The following ANKIB1 variants were observed in gnomAD, a reference collection of about 807,000 sequenced individuals.
ANKIB1 encodes the protein ankyrin repeat and IBR domain containing 1.
ANKIB1 carries 43 observed loss-of-function variants against 122.1 expected under a neutral mutation model. The observed-to-expected ratio is 0.35, with a 90% CI of 0.28 to 0.45. The LOEUF (loss-of-function observed/expected upper bound fraction) is 0.45, where lower values mean the gene tolerates loss of function less well. Among genes scored for constraint, ANKIB1 ranks in the 20% least tolerant of loss-of-function variants. The pLI, the probability that ANKIB1 is intolerant of heterozygous loss-of-function variation, is 1.00. For missense variants in ANKIB1, 992 were observed against 1,329.5 expected, an observed-to-expected ratio of 0.75 and a Z score of 3.95; for synonymous variants, 390 against 442.0, an observed-to-expected ratio of 0.88 and a Z score of 1.48.
intron 1 of ANKIB1, among the ~76,000 whole-genome samples, chr7:92,274,451 C>T (rs1365341774): frequency 2.6e-5 from 4 of 151,922 alleles, no homozygotes; most frequent in African/African-American, 9.7e-5. Context: ...TTTACAGTGA[C>T]TACTATATTG....
At chr7:92,397,361 C>G (rs948919167) in intron 18 of ANKIB1, among the ~76,000 whole-genome samples, 5 of 151,928 alleles carry the variant, frequency 3.3e-5, no homozygotes, top group African/African-American at 1.2e-4. Context: ...TGGTGCACAT[C>G]TGTAGTCCCA....
intron 11 of ANKIB1, among the ~76,000 whole-genome samples, chr7:92,377,044 C>T (rs1182774623): frequency 6.6e-6 from 1 of 152,132 alleles, no homozygotes; most frequent in African/African-American, 2.4e-5. Context: ...AGAACTTTTC[C>T]TTTGCATTCC....
rs182688190 is a variant in ANKIB1, at chr7:92,250,286, G to A, written c.-91+3767G>A. Among the ~76,000 whole-genome samples, 442 of 152,142 alleles carry A rather than the reference G, an allele frequency of 2.9e-3. 4 individuals are homozygous for A. Among genetic ancestry groups the A allele is most frequent in the African/African-American group, 0.01 (420 of 41,490 alleles). On this transcript the variant is annotated intron_variant, in intron 1 of 19. Transcript: ENST00000265742. ...CACATGCCTGTAATCCCAGCTACTC[G>A]GGAGGCTGAGGCAGGAGAATCGCCT... is the stretch of plus-strand genomic sequence containing the variant.
At chr7:92,352,416 T>C in intron 8 of ANKIB1, 60 bp from the exon 9 acceptor site, 1 of 1,525,824 alleles carries the variant, frequency 6.6e-7, no homozygotes, top group Non-Finnish European at 9.0e-7. Context: ...AGGTACACTC[T>C]GTATTAGAAT....
At chr7:92,366,300 C>A (rs919276421) in intron 10 of ANKIB1, among the ~76,000 whole-genome samples, 1 of 152,100 alleles carries the variant, frequency 6.6e-6, no homozygotes, top group Non-Finnish European at 1.5e-5. Context: ...GTCCTGGGAG[C>A]TCGAGGTGAA....
intron 5 of ANKIB1, among the ~76,000 whole-genome samples, chr7:92,340,256 A>C: frequency 6.6e-6 from 1 of 152,170 alleles, no homozygotes; most frequent in East Asian, 1.9e-4. Context: ...CAGTTTCCTG[A>C]GGGTCACAGA....
intron 1 of ANKIB1, among the ~76,000 whole-genome samples, chr7:92,270,502 A>G (rs969212188): frequency 6.6e-6 from 1 of 152,202 alleles, no homozygotes; most frequent in African/African-American, 2.4e-5. Context: ...TTCAGGTAGT[A>G]GAAGAAAACT....
chr7:92,360,120 A>G (rs1803909905), intron 9 of ANKIB1, among the ~76,000 whole-genome samples: 1 of 152,142 alleles, frequency 6.6e-6, no homozygotes, highest in Non-Finnish European at 1.5e-5. Context: ...ATTCAGTGAC[A>G]TTAATTGCAT....
intron 5 of ANKIB1, among the ~76,000 whole-genome samples, chr7:92,329,512 T>C (rs1342519561): frequency 6.6e-6 from 1 of 152,206 alleles, no homozygotes; most frequent in Non-Finnish European, 1.5e-5. Flanking sequence ...TCTCATAAAA[T>C]CAGTAGCTTC....
chr7:92,398,767 A>G lies in ANKIB1; in HGVS notation c.3088A>G (p.Ser1030Gly), dbSNP rs1356750370. The G allele has an allele frequency of 6.2e-7, 1 of 1,613,368 alleles. No homozygotes were observed. The highest frequency in any genetic ancestry group is 1.7e-5 in the Admixed American group (1 of 59,946). Residue 1030 changes from serine (S) to glycine (G), a missense_variant, in exon 20 of 20, where the codon AGT becomes GGT. Around this residue, in one of 4 missense-constraint regions of ANKIB1, gnomAD observed 384 missense variants for 412.0 expected, o/e 0.93. Transcript: ENST00000265742. ...TTCAATGTTTGAAGATGCCAGTGTCAGTGAAGGTAGAGGAACCCAGATAGA... is the reference window on the plus strand; with the variant it reads ...TTCAATGTTTGAAGATGCCAGTGTCGGTGAAGGTAGAGGAACCCAGATAGA... Reference protein sequence around the residue: ...EDSMFEDASVSEGRGTQIEEN... With the variant: ...EDSMFEDASVGEGRGTQIEEN...
chr7:92,351,157 A>G (rs893585271), intron 8 of ANKIB1, 63 bp downstream of exon 8: 11 of 1,271,090 alleles, frequency 8.7e-6, no homozygotes, highest in Non-Finnish European at 1.1e-5. Context: ...AACCTTTATA[A>G]CATTATTTTT....
chr7:92,251,906 T>G (rs1319762200), intron 1 of ANKIB1, among the ~76,000 whole-genome samples: 1 of 152,228 alleles, frequency 6.6e-6, no homozygotes, highest in Non-Finnish European at 1.5e-5. Flanking sequence ...GGAATACATG[T>G]TACAGTTGGT....
intron 6 of ANKIB1, among the ~76,000 whole-genome samples, chr7:92,344,692 A>T (rs1174348272): frequency 6.6e-6 from 1 of 152,174 alleles, no homozygotes; most frequent in Non-Finnish European, 1.5e-5. Flanking sequence ...TGTTTCTTGT[A>T]CTTCGTTTTC....
In ANKIB1 at chr7:92,362,962, T is replaced by G. The variant is rs138029500; in HGVS notation, c.1486+689T>G. On this transcript the variant is annotated intron_variant, in intron 10 of 19. Coordinates refer to ENST00000265742, the MANE Select transcript of ANKIB1 (RefSeq NM_019004.2). ...CCCACATTTAACAGAGAAATCTATC[T>G]GCTTTGCAATAATTTCCCATCTTCT... 2.7e-3 allele frequency among the ~76,000 whole-genome samples: 407 copies of G among 152,264 alleles called. 5 individuals are homozygous for G. The highest frequency in any genetic ancestry group is 9.4e-3 in the African/African-American group (389 of 41,544).
At chr7:92,311,789 C>A (rs1450290871) in intron 3 of ANKIB1, among the ~76,000 whole-genome samples, 7 of 151,970 alleles carry the variant, frequency 4.6e-5, no homozygotes, top group Non-Finnish European at 1.5e-5. Flanking sequence ...AGGCAACCTC[C>A]AGGTGTGAAG....
At chr7:92,376,185 G>T (rs549117167) in intron 11 of ANKIB1, among the ~76,000 whole-genome samples, 1 of 152,208 alleles carries the variant, frequency 6.6e-6, no homozygotes, top group East Asian at 1.9e-4. Context: ...ATGAGCATTG[G>T]CTTCAACTTA....
chr7:92,252,511 C>T (rs953836909), intron 1 of ANKIB1, among the ~76,000 whole-genome samples: 6 of 151,554 alleles, frequency 4.0e-5, no homozygotes, highest in Non-Finnish European at 8.8e-5. Context: ...CTCAGCCTCC[C>T]GAGTAGCTGA....
intron 4 of ANKIB1, chr7:92,319,876 C>T (rs930241357): frequency 2.6e-5 from 5 of 189,870 alleles, no homozygotes; most frequent in Admixed American, 2.5e-4. Flanking sequence ...TCAAGGCTGC[C>T]ATGAGCTATG....
At chr7:92,269,477 A>G (rs1801738836) in intron 1 of ANKIB1, among the ~76,000 whole-genome samples, 1 of 152,214 alleles carries the variant, frequency 6.6e-6, no homozygotes, top group African/African-American at 2.4e-5. Context: ...TCATTCACAT[A>G]CTGATTACTC....
Sources: allele counts gnomAD v4.1 joint callset (sites outside exome capture counted in the v4.1 genomes callset), GRCh38; gene constraint gnomAD v4.1.1; regional missense constraint gnomAD v4.1.1; transcripts MANE v1.5; gene names NCBI Gene and HGNC (gene_info 2026-07-23, HGNC 2026-07-21).